Variants in TLE4 observed in about 807,000 individuals in gnomAD.
The protein encoded by TLE4 is TLE family member 4, transcriptional corepressor.
In TLE4, 8 loss-of-function variants were observed where a neutral mutation model predicts 92.8. The observed-to-expected ratio is 0.09, with a 90% CI of 0.05 to 0.16. The LOEUF (loss-of-function observed/expected upper bound fraction) is 0.16, where lower values mean the gene tolerates loss of function less well. Ranked by LOEUF, TLE4 falls within the 10% of genes least tolerant of loss-of-function variation. TLE4 has a pLI of 1.00. For synonymous variants in TLE4, 371 were observed against 374.1 expected (o/e 0.99, Z 0.10); for missense variants, 675 against 997.6 (o/e 0.68, Z 4.36).
intron 7 of TLE4, 51 bp downstream of exon 7, chr9:79,652,845 G>GCA: frequency 1.3e-6 from 2 of 1,560,730 alleles, no homozygotes; most frequent in Non-Finnish European, 1.8e-6. Context: ...TTGCTGCTGA[G>GCA]GGTAGGTTCT....
At chr9:79,578,521 T>TAAAA (rs1587625658) in intron 4 of TLE4, among the ~76,000 whole-genome samples, 1 of 152,174 alleles carries the variant, frequency 6.6e-6, no homozygotes, top group East Asian at 1.9e-4. Context: ...GATAAAAAGA[T>TAAAA]AAAAGTATGA....
chr9:79,693,548 T>C (rs1416599682), intron 8 of TLE4: 16 of 417,486 alleles, frequency 3.8e-5, no homozygotes, highest in Non-Finnish European at 5.1e-5. Context: ...ACTTACCAGA[T>C]AGCAGACTGT....
Position 79,573,705 on chromosome 9 carries a change from C to G in TLE4, c.62C>G (p.Ala21Gly), listed in dbSNP as rs2036700757. Reference sequence around the variant, plus strand: ...GTTCTTCAGGCACCGCATCAGCCTGCTCAACCCTTTAAATTTACAATTTCC... The same window carrying G: ...GTTCTTCAGGCACCGCATCAGCCTGGTCAACCCTTTAAATTTACAATTTCC... ...QTRHPAPHQP[A>G]QPFKFTISES... is the part of the protein sequence containing the mutation. Residue 21 changes from alanine (A) to glycine (G), a missense_variant, in exon 2 of 20, where the codon GCT becomes GGT. Physicochemically the swap from Ala to Gly is moderately conservative, Grantham distance 60 (BLOSUM62 0). This residue lies in a region of TLE4 where 38 missense variants were observed against 33.5 expected (regional missense o/e 1.14). Transcript: ENST00000376552. 2 of 1,606,174 alleles carry G rather than the reference C, an allele frequency of 1.2e-6. No individual in the cohort carries two copies. Among genetic ancestry groups the G allele is most frequent in the Non-Finnish European group, 1.7e-6 (2 of 1,174,176 alleles).
chr9:79,591,545 A>G (rs2042532711), intron 4 of TLE4, among the ~76,000 whole-genome samples: 1 of 152,208 alleles, frequency 6.6e-6, no homozygotes, highest in Admixed American at 6.5e-5. Flanking sequence ...TGTTTTGCTA[A>G]TTTGTTCAGC....
chr9:79,669,223 C>G (rs534407768), intron 8 of TLE4, among the ~76,000 whole-genome samples: 1 of 152,198 alleles, frequency 6.6e-6, no homozygotes, highest in East Asian at 1.9e-4. Flanking sequence ...GGTGGTTAGG[C>G]TTCAGAGATA....
At chr9:79,574,160 C>A in intron 2 of TLE4, 1 of 159,664 alleles carries the variant, frequency 6.3e-6, no homozygotes, top group Non-Finnish European at 1.4e-5. Context: ...TTTTTTCTGC[C>A]ATTCCACTGA....
intron 8 of TLE4, among the ~76,000 whole-genome samples, chr9:79,693,375 G>A (rs907975671): frequency 4.6e-5 from 7 of 152,132 alleles, no homozygotes; most frequent in Non-Finnish European, 1.0e-4. Context: ...TCTCAGTGGA[G>A]GAAGGTCAGT....
At chr9:79,638,428 A>T (rs1011414077) in intron 6 of TLE4, among the ~76,000 whole-genome samples, 6 of 152,210 alleles carry the variant, frequency 3.9e-5, no homozygotes, top group African/African-American at 1.4e-4. Flanking sequence ...TTTTGACTAA[A>T]TAGTTAGAGC....
chr9:79,690,845 A>G (rs1246109857), intron 8 of TLE4, among the ~76,000 whole-genome samples: 1 of 126,426 alleles, frequency 7.9e-6, no homozygotes, highest in African/African-American at 3.1e-5. Context: ...CATGCTGCCC[A>G]GTCTGGTCTC....
At chr9:79,710,757 C>T (rs2073070083) in intron 14 of TLE4, among the ~76,000 whole-genome samples, 1 of 152,174 alleles carries the variant, frequency 6.6e-6, no homozygotes, top group African/African-American at 2.4e-5. Context: ...CCTATTCTTT[C>T]CTCTTCTACT....
rs1023228186 is a variant in TLE4 at position 79,573,582 on chromosome 9, G to T, written c.46-107G>T. The stretch of plus-strand genomic sequence containing the variant: ...AGAGTTTTAATCTCTCTTTGCTTGC[G>T]TGCGCGATGACCCTCACCCCCCGCT... On this transcript the variant is annotated intron_variant, in intron 1 of 19. Transcript: ENST00000376552. 5 of 942,250 alleles carry T rather than the reference G, an allele frequency of 5.3e-6. No individual in the cohort carries two copies. The Admixed American group carries it at 1.1e-4, about 20-fold the overall frequency. The allele number at this position is 942,250 out of a possible 1,614,324, so 58.4% of individuals were successfully genotyped here.
At chr9:79,574,646 T>TA (rs553269905) in intron 2 of TLE4, among the ~76,000 whole-genome samples, 59 of 150,292 alleles carry the variant, frequency 3.9e-4, no homozygotes, top group African/African-American at 7.6e-4. Context: ...AAAACTTAAT[T>TA]AAAAAAAAAA....
chr9:79,677,209 T>C (rs2063426730), intron 8 of TLE4, among the ~76,000 whole-genome samples: 1 of 152,192 alleles, frequency 6.6e-6, no homozygotes, highest in Non-Finnish European at 1.5e-5. Flanking sequence ...CCTGGCATTT[T>C]ACTCAATTCT....
At chr9:79,597,468 A>C (rs901762139) in intron 4 of TLE4, among the ~76,000 whole-genome samples, 1 of 151,996 alleles carries the variant, frequency 6.6e-6, no homozygotes, top group African/African-American at 2.4e-5. Flanking sequence ...GATGAATCTC[A>C]GGGTTTTTTT....
chr9:79,629,831 C>A (rs1318264751), intron 6 of TLE4, among the ~76,000 whole-genome samples: 5 of 152,166 alleles, frequency 3.3e-5, no homozygotes, highest in Admixed American at 6.5e-5. Flanking sequence ...GTCTTTTTAG[C>A]CATGGTAGTG....
intron 8 of TLE4, among the ~76,000 whole-genome samples, chr9:79,686,762 G>A (rs917166083): frequency 1.3e-5 from 2 of 152,192 alleles, no homozygotes; most frequent in Admixed American, 6.5e-5. Context: ...CTCCAGAACC[G>A]CAAGAAATAA....
At chr9:79,692,860 T>A (rs886650930) in intron 8 of TLE4, among the ~76,000 whole-genome samples, 6 of 152,184 alleles carry the variant, frequency 3.9e-5, no homozygotes. Context: ...GGGGTTAGGT[T>A]TCACCATATG....
At chr9:79,701,810 G>A (rs2069987849) in intron 8 of TLE4, among the ~76,000 whole-genome samples, 1 of 152,202 alleles carries the variant, frequency 6.6e-6, no homozygotes, top group African/African-American at 2.4e-5. Flanking sequence ...TTTGTGTTGA[G>A]AAATATTTCT....
intron 1 of TLE4, 24 bp from the exon 2 acceptor site, chr9:79,573,665 A>G (rs1358799644): frequency 6.4e-7 from 1 of 1,568,130 alleles, no homozygotes; most frequent in Non-Finnish European, 8.7e-7. Context: ...TGGGCTAATT[A>G]AATATTTTAT....
Sources: gnomAD v4.1 joint callset for allele counts (sites outside exome capture counted in the v4.1 genomes callset) on GRCh38, gnomAD v4.1.1 for gene constraint, gnomAD v4.1.1 regional missense constraint, MANE v1.5 for transcripts, NCBI Gene and HGNC (gene_info 2026-07-23, HGNC 2026-07-21) for gene names.